PACSIN1: variants seen among roughly 807,000 people sequenced by gnomAD.
PACSIN1 encodes the protein protein kinase C and casein kinase substrate in neurons protein 1.
PACSIN1 carries 15 observed loss-of-function variants against 59.5 expected under a neutral mutation model. That is an observed-to-expected ratio of 0.25 (90% CI 0.17 to 0.39). PACSIN1 has a LOEUF of 0.39. PACSIN1 is among the 10% of genes least tolerant of loss of function. The pLI, the probability that PACSIN1 is intolerant of heterozygous loss-of-function variation, is 1.00. For missense variants in PACSIN1, 420 were observed against 580.2 expected (o/e 0.72, Z 2.84); for synonymous variants, 210 against 220.6 (o/e 0.95, Z 0.42).
intron 1 of PACSIN1, among the ~76,000 whole-genome samples, chr6:34,508,465 CTA>C (rs1767150026): frequency 6.6e-6 from 1 of 152,086 alleles, no homozygotes; most frequent in Admixed American, 6.5e-5. Context: ...CGAGGTCTCG[CTA>C]TGTTATCCAG....
At chr6:34,492,811 T>C (rs1766897572) in intron 1 of PACSIN1, among the ~76,000 whole-genome samples, 2 of 152,230 alleles carry the variant, frequency 1.3e-5, no homozygotes, top group South Asian at 4.1e-4. Flanking sequence ...CATGGACTTC[T>C]AGAGGAGGGA....
chr6:34,491,473 C>T (rs560540650), intron 1 of PACSIN1, among the ~76,000 whole-genome samples: 22 of 152,224 alleles, frequency 1.4e-4, no homozygotes, highest in Middle Eastern at 6.8e-3. Context: ...AGAATCAGTC[C>T]TGACACCAAC....
At position 34,514,179 on chromosome 6, in the gene PACSIN1, C is replaced by T. The variant is rs1187633639; in HGVS notation, c.-63-12064C>T. On this transcript the variant is annotated intron_variant, in intron 1 of 9. Transcript: ENST00000244458. This position sits in a 1 kb window ranked among gnomAD's most constrained non-coding sequence, Gnocchi z 4.4. ...AGTGTGTTGTTGGGGTGCACATGTCCTGGACACACGAGTGCTTAGGGCCAC... is the reference window on the plus strand; with the variant it reads ...AGTGTGTTGTTGGGGTGCACATGTCTTGGACACACGAGTGCTTAGGGCCAC... Among the ~76,000 whole-genome samples the T allele has an allele frequency of 6.6e-6, 1 of 152,018 alleles. No individual in the cohort carries two copies. Among genetic ancestry groups the T allele is most frequent in the Non-Finnish European group, 1.5e-5 (1 of 68,022 alleles).
chr6:34,491,270 C>G (rs369636708), intron 1 of PACSIN1, among the ~76,000 whole-genome samples: 16 of 152,144 alleles, frequency 1.1e-4, no homozygotes, highest in Admixed American at 9.2e-4. Flanking sequence ...CTCTAGTGCA[C>G]GCGGGCCCCA....
chr6:34,506,375 C>T (rs1767114796), intron 1 of PACSIN1, among the ~76,000 whole-genome samples: 1 of 152,114 alleles, frequency 6.6e-6, no homozygotes, highest in Non-Finnish European at 1.5e-5. Context: ...CACCACCATA[C>T]CAGGCTAATT....
intron 1 of PACSIN1, among the ~76,000 whole-genome samples, chr6:34,504,446 G>A (rs867797701): frequency 6.6e-6 from 1 of 151,814 alleles, no homozygotes; most frequent in African/African-American, 2.4e-5. Context: ...GCCCAACACC[G>A]CACCCAGATA....
At chr6:34,482,342 T>C (rs575309106) in intron 1 of PACSIN1, among the ~76,000 whole-genome samples, 1 of 152,322 alleles carries the variant, frequency 6.6e-6, no homozygotes, top group South Asian at 2.1e-4. Context: ...TGCCTCGGCC[T>C]CCCAAAGTGC....
chr6:34,506,487 T>C (rs1767116384), intron 1 of PACSIN1, among the ~76,000 whole-genome samples: 1 of 152,266 alleles, frequency 6.6e-6, no homozygotes, highest in Non-Finnish European at 1.5e-5. Context: ...AGTGCTAGAA[T>C]TGCAGGCGTG....
At chr6:34,490,719 T>G (rs1456231308) in intron 1 of PACSIN1, among the ~76,000 whole-genome samples, 1 of 152,180 alleles carries the variant, frequency 6.6e-6, no homozygotes, top group Non-Finnish European at 1.5e-5. Flanking sequence ...CCGGCCTTCC[T>G]GAAGAAGACA....
At chr6:34,513,038 CTCA>C (rs1010117356) in intron 1 of PACSIN1, among the ~76,000 whole-genome samples, 6 of 152,166 alleles carry the variant, frequency 3.9e-5, no homozygotes, top group African/African-American at 1.4e-4. Context: ...AACCCACTAG[CTCA>C]TCATCTCCTC....
intron 1 of PACSIN1, among the ~76,000 whole-genome samples, chr6:34,504,383 C>T (rs1047440059): frequency 4.0e-5 from 6 of 151,184 alleles, no homozygotes; most frequent in Admixed American, 1.3e-4. Flanking sequence ...CCTCTGCCTC[C>T]GGGTTCAAGC....
rs1767465846 is a variant in PACSIN1, at chr6:34,525,517, T to C, written c.-63-726T>C. Among the ~76,000 whole-genome samples, 1 of 152,210 alleles carries C rather than the reference T, an allele frequency of 6.6e-6. No homozygotes were observed. Among genetic ancestry groups the C allele is most frequent in the Non-Finnish European group, 1.5e-5 (1 of 68,010 alleles). On this transcript the variant is annotated intron_variant, in intron 1 of 9. Coordinates refer to ENST00000244458, the MANE Select transcript of PACSIN1 (RefSeq NM_020804.5). This position sits in a 1 kb window ranked among gnomAD's most constrained non-coding sequence, Gnocchi z 4.9. ...GTGTCCCCTGGTGCCGGGATCCAGC[T>C]AGAGGCTGGCAGCTTGTATCAGGGC...
At chr6:34,524,126 C>T (rs1767443819) in intron 1 of PACSIN1, among the ~76,000 whole-genome samples, 1 of 152,164 alleles carries the variant, frequency 6.6e-6, no homozygotes, top group East Asian at 1.9e-4. Flanking sequence ...CTGCCAATAC[C>T]AAGGGTGGAC....
chr6:34,477,756 G>C (rs1766658418), intron 1 of PACSIN1, among the ~76,000 whole-genome samples: 1 of 152,088 alleles, frequency 6.6e-6, no homozygotes, highest in Non-Finnish European at 1.5e-5. Flanking sequence ...TTGTTTGTTT[G>C]TTTGCTTTTT....
chr6:34,469,967 C>T (rs78577411), intron 1 of PACSIN1, among the ~76,000 whole-genome samples: 2,921 of 152,206 alleles, frequency 0.019, 55 homozygotes, highest in African/African-American at 0.049. Flanking sequence ...TGAAGAAAAC[C>T]TATTAGCCAC....
At position 34,529,781 on chromosome 6, in the gene PACSIN1, T is replaced by A; in HGVS notation, c.728T>A (p.Val243Asp). ...QCQQFEEKRL[V>D]FLKEVLLDIK... ...CAGCAATTTGAGGAAAAGCGGCTGGTCTTCCTCAAGGAGGTGCTGCTGGAC... is the reference window on the plus strand; with the variant it reads ...CAGCAATTTGAGGAAAAGCGGCTGGACTTCCTCAAGGAGGTGCTGCTGGAC... Residue 243 changes from valine to aspartate, a missense_variant, in exon 6 of 10, where the codon GTC (valine) becomes GAC (aspartate). By Grantham distance (152) the Val-to-Asp change is radical. Coordinates refer to ENST00000244458, the MANE Select transcript of PACSIN1 (RefSeq NM_020804.5). The surrounding 1 kb of genome is among the most constrained non-coding windows in gnomAD (Gnocchi z 6.3). 6.2e-7 allele frequency: 1 copy of A among 1,613,982 alleles called. No individual in the cohort carries two copies. Among genetic ancestry groups the A allele is most frequent in the Non-Finnish European group, 8.5e-7 (1 of 1,179,972 alleles).
chr6:34,505,479 A>T (rs1034586755), intron 1 of PACSIN1, among the ~76,000 whole-genome samples: 41 of 141,692 alleles, frequency 2.9e-4, no homozygotes, highest in African/African-American at 1.0e-3. Flanking sequence ...TGAATGTTAG[A>T]GCTTCTATTT....
At position 34,488,151 on chromosome 6, in the gene PACSIN1, C is replaced by T. The variant is rs1169837755; in HGVS notation, c.-64+21881C>T. On this transcript the variant is annotated intron_variant, in intron 1 of 9. Coordinates refer to ENST00000244458, the MANE Select transcript of PACSIN1 (RefSeq NM_020804.5). The surrounding 1 kb of genome is among the most constrained non-coding windows in gnomAD (Gnocchi z 4.7). ...CTTCCCTTTTGAGGGGACCTGGCCC[C>T]TCATGTCTGAGGGAGTCTGAGTCTC... 1.3e-5 allele frequency among the ~76,000 whole-genome samples: 2 copies of T among 152,192 alleles called. No homozygotes were observed. The highest frequency in any genetic ancestry group is 1.5e-5 in the Non-Finnish European group (1 of 68,032).
chr6:34,494,385 G>A (rs1766918997), intron 1 of PACSIN1, among the ~76,000 whole-genome samples: 1 of 152,034 alleles, frequency 6.6e-6, no homozygotes, highest in Non-Finnish European at 1.5e-5. Context: ...TGTCTTCTGG[G>A]GGCCTTTTAA....
Sources: gnomAD v4.1 joint callset for allele counts (sites outside exome capture counted in the v4.1 genomes callset) on GRCh38, gnomAD v4.1.1 for gene constraint, Gnocchi (gnomAD v3.1) non-coding constraint, MANE v1.5 for transcripts, NCBI Gene and HGNC (gene_info 2026-07-23, HGNC 2026-07-21) for gene names.